The following RBFOX2 variants were observed in gnomAD, a reference collection of about 807,000 sequenced individuals.
RBFOX2 encodes RNA binding protein fox-1 homolog 2.
In RBFOX2, 10 loss-of-function variants were observed where a neutral mutation model predicts 49.1. The ratio of observed to expected loss-of-function variants is 0.20; its 90% CI spans 0.13 to 0.35. The LOEUF is 0.35. Ranked by LOEUF, RBFOX2 falls within the 10% of genes least tolerant of loss-of-function variation. The pLI, the probability that RBFOX2 is intolerant of heterozygous loss-of-function variation, is 1.00. For missense variants in RBFOX2, 323 were observed against 486.9 expected, an observed-to-expected ratio of 0.66 and a Z score of 3.17; for synonymous variants, 183 against 187.4, an observed-to-expected ratio of 0.98 and a Z score of 0.19.
intron 2 of RBFOX2, among the ~76,000 whole-genome samples, chr22:35,807,045 C>A (rs1950878833): frequency 1.3e-5 from 2 of 152,316 alleles, no homozygotes; most frequent in South Asian, 4.1e-4. Flanking sequence ...CTCAGATGAT[C>A]CAGCTGCCTC....
At chr22:35,891,798 G>A (rs1051126556) in intron 1 of RBFOX2, among the ~76,000 whole-genome samples, 6 of 151,100 alleles carry the variant, frequency 4.0e-5, no homozygotes, top group Non-Finnish European at 8.8e-5. Context: ...TGATGATGGC[G>A]AGAGAGGGAA....
At chr22:35,817,278 G>A (rs1217172929) in intron 1 of RBFOX2, among the ~76,000 whole-genome samples, 2 of 152,012 alleles carry the variant, frequency 1.3e-5, no homozygotes, top group African/African-American at 4.8e-5. Context: ...AGGAGTTCAA[G>A]ACCAGCCTGG....
intron 1 of RBFOX2, among the ~76,000 whole-genome samples, chr22:35,957,607 G>A (rs2055722974): frequency 6.6e-6 from 1 of 152,176 alleles, no homozygotes; most frequent in Admixed American, 6.5e-5. Context: ...CTGTTAGATA[G>A]ATAACATTAT....
Position 35,863,904 on chromosome 22 carries a change from G to A in RBFOX2, c.-33-53900C>T, listed in dbSNP as rs546869915. On this transcript the variant is annotated intron_variant, in intron 1 of 13. Transcript: ENST00000359369. ...ATCGAAGTTGCCCCTCCTCACTTCG[G>A]GCAAAGCATGCATATATACAATTAC... 3.9e-5 allele frequency among the ~76,000 whole-genome samples: 6 copies of A among 152,130 alleles called. 1 individual carries two copies. The South Asian group carries it at 1.2e-3, about 32-fold the overall frequency.
chr22:36,002,333 G>C (rs575548777), intron 1 of RBFOX2, among the ~76,000 whole-genome samples: 1 of 152,022 alleles, frequency 6.6e-6, no homozygotes, highest in Non-Finnish European at 1.5e-5. Flanking sequence ...CAAAAGACTG[G>C]AAACGACCTA....
chr22:35,748,724 G>A (rs573361897), intron 9 of RBFOX2: 3 of 152,082 alleles, frequency 2.0e-5, no homozygotes, highest in Non-Finnish European at 4.4e-5. Flanking sequence ...AAATTTTAAA[G>A]TTAAGGCAAC....
At chr22:35,823,155 T>C (rs1186184008) in intron 1 of RBFOX2, among the ~76,000 whole-genome samples, 1 of 152,186 alleles carries the variant, frequency 6.6e-6, no homozygotes, top group Non-Finnish European at 1.5e-5. Context: ...AGAAAGGGGA[T>C]GGCATAGTAC....
intron 1 of RBFOX2, among the ~76,000 whole-genome samples, chr22:35,931,369 T>C (rs1315228334): frequency 2.0e-5 from 3 of 150,156 alleles, no homozygotes; most frequent in Non-Finnish European, 4.4e-5. Context: ...GATTGCGAGA[T>C]ACAGAAGGGG....
chr22:35,926,350 C>T (rs889416659), intron 1 of RBFOX2, among the ~76,000 whole-genome samples: 3 of 152,170 alleles, frequency 2.0e-5, no homozygotes, highest in Admixed American at 2.0e-4. Context: ...TTGAAAATTG[C>T]TAATGGAAAT....
At chr22:35,924,758 CT>C (rs2051423798) in intron 1 of RBFOX2, among the ~76,000 whole-genome samples, 1 of 152,206 alleles carries the variant, frequency 6.6e-6, no homozygotes, top group South Asian at 2.1e-4. Context: ...TGGGCACATA[CT>C]TTGTGCAAAG....
chr22:35,899,168 A>ATAACATAACCT (rs1410895328), intron 1 of RBFOX2, among the ~76,000 whole-genome samples: 2 of 151,508 alleles, frequency 1.3e-5, no homozygotes, highest in Non-Finnish European at 2.9e-5. Context: ...ATAACATAAC[A>ATAACATAACCT]TAACATAACA....
intron 1 of RBFOX2, among the ~76,000 whole-genome samples, chr22:36,010,988 CA>C (rs888003446): frequency 1.3e-5 from 2 of 152,116 alleles, no homozygotes; most frequent in African/African-American, 4.8e-5. Context: ...CAATTCAACA[CA>C]AAACTTAGTT....
At chr22:35,803,732 T>C (rs1438955226) in intron 2 of RBFOX2, among the ~76,000 whole-genome samples, 2 of 150,194 alleles carry the variant, frequency 1.3e-5, no homozygotes, top group East Asian at 3.9e-4. Context: ...AGTAGAAAAA[T>C]GTAAATGGAA....
intron 1 of RBFOX2, among the ~76,000 whole-genome samples, chr22:35,880,227 C>CTAAT (rs549471320): frequency 8.1e-4 from 123 of 151,706 alleles, no homozygotes; most frequent in Non-Finnish European, 1.3e-4. Flanking sequence ...AAAGGATTTG[C>CTAAT]TAATTAACAG....
At chr22:35,824,097 C>T (rs1056390907) in intron 1 of RBFOX2, among the ~76,000 whole-genome samples, 10 of 151,690 alleles carry the variant, frequency 6.6e-5, no homozygotes, top group Non-Finnish European at 1.2e-4. Context: ...CACAGTGAGC[C>T]GAGATCGCGC....
At chr22:35,942,870 A>C (rs925149932), upstream of RBFOX2, among the ~76,000 whole-genome samples, 8 of 152,226 alleles carry the variant, frequency 5.3e-5, no homozygotes, top group Non-Finnish European at 1.0e-4. Context: ...CATTGTGTAA[A>C]ATTCACATAT....
chr22:35,895,077 CCTCT>C (rs967980077), intron 1 of RBFOX2, among the ~76,000 whole-genome samples: 3 of 150,300 alleles, frequency 2.0e-5, no homozygotes, highest in East Asian at 1.9e-4. Flanking sequence ...TCCGTCCCTC[CCTCT>C]CTCTCTCTCT....
chr22:35,762,559 T>C (rs932042557), intron 6 of RBFOX2, among the ~76,000 whole-genome samples: 3 of 144,914 alleles, frequency 2.1e-5, no homozygotes, highest in Non-Finnish European at 4.5e-5. Flanking sequence ...CAGGCTGGAG[T>C]GCAGTGGCGC....
chr22:35,824,145 G>A (rs1955143220), intron 1 of RBFOX2, among the ~76,000 whole-genome samples: 1 of 151,522 alleles, frequency 6.6e-6, no homozygotes, highest in Non-Finnish European at 1.5e-5. Flanking sequence ...TGAGACGGAC[G>A]AGACTCCATC....
Sources: gnomAD v4.1 joint callset for allele counts (sites outside exome capture counted in the v4.1 genomes callset) on GRCh38, gnomAD v4.1.1 for gene constraint, MANE v1.5 for transcripts, NCBI Gene and HGNC (gene_info 2026-07-23, HGNC 2026-07-21) for gene names.